Variants in TWSG1 observed in about 807,000 individuals in gnomAD.
TWSG1 encodes twisted gastrulation protein homolog 1.
Under a neutral mutation model 23.0 loss-of-function variants are expected in TWSG1, and 15 were observed. The observed-to-expected ratio is 0.65, with a 90% CI of 0.44 to 1.00. TWSG1 has a LOEUF of 1.00. TWSG1 is among the 50% of genes least tolerant of loss of function. The probability of loss-of-function intolerance (pLI) is 0.00; values close to 1 mark genes in which losing one functional copy is unlikely to be tolerated. For missense variants in TWSG1, 242 were observed against 278.7 expected, an observed-to-expected ratio of 0.87 and a Z score of 0.94; for synonymous variants, 86 against 92.8, an observed-to-expected ratio of 0.93 and a Z score of 0.42.
chr18:9,335,233 T>C (rs2040417207), intron 1 of TWSG1, among the ~76,000 whole-genome samples: 1 of 152,142 alleles, frequency 6.6e-6, no homozygotes, highest in Non-Finnish European at 1.5e-5. Context: ...CCCACACCGC[T>C]ACCGGCCTCT....
intron 3 of TWSG1, among the ~76,000 whole-genome samples, chr18:9,383,578 T>G (rs1357939864): frequency 1.3e-5 from 2 of 152,160 alleles, no homozygotes; most frequent in Non-Finnish European, 2.9e-5. Flanking sequence ...TAGGAGACTG[T>G]TGCAGTAGTT....
At chr18:9,388,007 G>T (rs1252308395) in intron 3 of TWSG1, 2 of 152,104 alleles carry the variant, frequency 1.3e-5, no homozygotes, top group African/African-American at 4.8e-5. Flanking sequence ...CAAAATTCTT[G>T]TATTGAATCT....
At chr18:9,339,287 G>A (rs1339313253) in intron 2 of TWSG1, among the ~76,000 whole-genome samples, 2 of 152,000 alleles carry the variant, frequency 1.3e-5, no homozygotes, top group African/African-American at 4.8e-5. Context: ...GATTAATATG[G>A]GTAGATACTT....
intron 1 of TWSG1, among the ~76,000 whole-genome samples, chr18:9,336,370 C>T (rs998685496): frequency 1.6e-4 from 23 of 148,316 alleles, no homozygotes; most frequent in African/African-American, 5.0e-4. Flanking sequence ...CCAGCCTGGG[C>T]GACAGAGCGA....
chr18:9,391,260 A>G (rs887036589), intron 3 of TWSG1, among the ~76,000 whole-genome samples: 2 of 152,160 alleles, frequency 1.3e-5, no homozygotes, highest in Non-Finnish European at 2.9e-5. Flanking sequence ...TTCTAATTCT[A>G]GTTGTTTTGC....
chr18:9,399,566 T>C lies in TWSG1; in HGVS notation c.*39T>C, dbSNP rs2040753682. On this transcript the variant is annotated 3_prime_UTR_variant, in exon 5 of 5. Transcript: ENST00000262120. The stretch of plus-strand genomic sequence containing the variant: ...AAACCAAAGCAACTTAGTAAAATAA[T>C]AGGTATAAAAAGTTATTCTGTAAGT... The C allele has an allele frequency of 6.5e-7, 1 of 1,547,318 alleles. No individual in the cohort carries two copies. Among genetic ancestry groups the C allele is most frequent in the South Asian group, 1.2e-5 (1 of 81,304 alleles).
Position 9,365,239 on chromosome 18 carries a change from C to G in TWSG1, c.223+5168C>G, listed in dbSNP as rs116741536. Among the ~76,000 whole-genome samples the G allele has an allele frequency of 3.5e-3, 530 of 152,164 alleles. 5 individuals carry two copies. The highest frequency in any genetic ancestry group is 0.012 in the African/African-American group (510 of 41,510). ...TTGGGAGGTTAAGGCAGGAGGATTA[C>G]TAAACTCAGGAGGTCAAGGCTGCAG... On this transcript the variant is annotated intron_variant, in intron 3 of 4. Transcript: ENST00000262120.
rs149153779 is a variant in TWSG1, at chr18:9,361,552, A to G, written c.223+1481A>G. ...CTGACGAGCCCTCTATTTCATGTCT[A>G]TAGATCTTTCCCTTTAGGGTTGCAC... is the stretch of plus-strand genomic sequence containing the variant. On this transcript the variant is annotated intron_variant, in intron 3 of 4. Transcript: ENST00000262120. Among the ~76,000 whole-genome samples, 262 of 152,340 alleles carry G rather than the reference A, an allele frequency of 1.7e-3. 1 individual carries two copies. Among genetic ancestry groups the G allele is most frequent in the African/African-American group, 6.0e-3 (249 of 41,584 alleles).
intron 3 of TWSG1, among the ~76,000 whole-genome samples, chr18:9,362,656 G>T (rs1312059176): frequency 6.6e-6 from 1 of 152,224 alleles, no homozygotes; most frequent in Non-Finnish European, 1.5e-5. Flanking sequence ...ATATATGTGT[G>T]TGTCTTAACC....
chr18:9,361,269 G>A (rs75516172), intron 3 of TWSG1, among the ~76,000 whole-genome samples: 4,330 of 151,984 alleles, frequency 0.028, 73 homozygotes, highest in Non-Finnish European at 0.039. Flanking sequence ...GGAACATACT[G>A]TTCTTGTTTT....
At chr18:9,384,711 C>A (rs867838970) in intron 3 of TWSG1, among the ~76,000 whole-genome samples, 1 of 150,616 alleles carries the variant, frequency 6.6e-6, no homozygotes, top group African/African-American at 2.5e-5. Flanking sequence ...AGTGGCTCAA[C>A]CTTGGCTCAC....
chr18:9,353,748 A>G (rs1480944970), intron 2 of TWSG1, among the ~76,000 whole-genome samples: 1 of 152,142 alleles, frequency 6.6e-6, no homozygotes, highest in Non-Finnish European at 1.5e-5. Context: ...TCATGAAACC[A>G]CTCATTCTCA....
At chr18:9,339,453 T>G (rs2040436428) in intron 2 of TWSG1, among the ~76,000 whole-genome samples, 1 of 152,048 alleles carries the variant, frequency 6.6e-6, no homozygotes, top group African/African-American at 2.4e-5. Flanking sequence ...GCTAATTTAC[T>G]TTGTATTTTT....
chr18:9,351,297 T>C (rs2040500832), intron 2 of TWSG1, among the ~76,000 whole-genome samples: 1 of 152,134 alleles, frequency 6.6e-6, no homozygotes, highest in South Asian at 2.1e-4. Flanking sequence ...ACGTTCTTAG[T>C]CCTATTATCC....
Position 9,369,555 on chromosome 18 carries a change from C to T in TWSG1, c.223+9484C>T, listed in dbSNP as rs558745345. 3.7e-4 allele frequency among the ~76,000 whole-genome samples: 56 copies of T among 152,274 alleles called. 1 individual carries two copies. The South Asian group carries it at 0.011, about 29-fold the overall frequency. On this transcript the variant is annotated intron_variant, in intron 3 of 4. Transcript: ENST00000262120. ...TGCTGGGATTACAGGCATGAGCCACCGCACCTGGGCCCTTTGCCCATTTTT... is the reference window on the plus strand; with the variant it reads ...TGCTGGGATTACAGGCATGAGCCACTGCACCTGGGCCCTTTGCCCATTTTT...
intron 2 of TWSG1, among the ~76,000 whole-genome samples, chr18:9,346,604 A>C (rs2040478520): frequency 6.6e-6 from 1 of 151,978 alleles, no homozygotes; most frequent in Non-Finnish European, 1.5e-5. Context: ...CATCTCTACC[A>C]AAAGAAAAAA....
chr18:9,377,513 C>T (rs1162809649), intron 3 of TWSG1, among the ~76,000 whole-genome samples: 2 of 151,944 alleles, frequency 1.3e-5, no homozygotes, highest in Non-Finnish European at 2.9e-5. Flanking sequence ...GCCACCGCGC[C>T]TGGCCTAAAG....
intron 3 of TWSG1, among the ~76,000 whole-genome samples, chr18:9,370,149 C>T (rs1026120624): frequency 2.0e-5 from 3 of 152,004 alleles, no homozygotes; most frequent in Non-Finnish European, 4.4e-5. Flanking sequence ...GAAACCCCGT[C>T]CCTACTAAAA....
At chr18:9,342,373 TTC>T (rs2040449802) in intron 2 of TWSG1, among the ~76,000 whole-genome samples, 1 of 152,200 alleles carries the variant, frequency 6.6e-6, no homozygotes, top group Non-Finnish European at 1.5e-5. Flanking sequence ...CTAACCTTAT[TTC>T]TCTGTTTTGT....
Sources: gnomAD v4.1 joint callset for allele counts (sites outside exome capture counted in the v4.1 genomes callset) on GRCh38, gnomAD v4.1.1 for gene constraint, MANE v1.5 for transcripts, NCBI Gene and HGNC (gene_info 2026-07-23, HGNC 2026-07-21) for gene names.